The following NR6A1 variants were observed in gnomAD, a reference collection of about 807,000 sequenced individuals.
NR6A1 encodes the protein retinoic acid receptor-related testis-associated receptor.
Under a neutral mutation model 59.1 loss-of-function variants are expected in NR6A1, and 7 were observed. The ratio of observed to expected loss-of-function variants is 0.12; its 90% confidence interval spans 0.07 to 0.22. NR6A1 has a LOEUF of 0.22. NR6A1 is among the 10% of genes least tolerant of loss of function. NR6A1 has a pLI of 1.00. For missense variants in NR6A1, 468 were observed against 611.6 expected (o/e 0.77, Z 2.48); for synonymous variants, 243 against 236.1 (o/e 1.03, Z -0.27).
At chr9:124,539,075 GACA>G (rs976606131) in intron 5 of NR6A1, among the ~76,000 whole-genome samples, 20 of 151,504 alleles carry the variant, frequency 1.3e-4, no homozygotes, top group African/African-American at 2.7e-4. Flanking sequence ...AATTAACAAC[GACA>G]ACAACAAAAA....
intron 6 of NR6A1, among the ~76,000 whole-genome samples, chr9:124,537,702 G>A (rs770765930): frequency 3.9e-5 from 6 of 152,096 alleles, no homozygotes; most frequent in Non-Finnish European, 8.8e-5. Context: ...GCTGGTGAGG[G>A]GTGCAGACAG....
chr9:124,737,949 A>G (rs897593200), intron 1 of NR6A1, among the ~76,000 whole-genome samples: 4 of 152,120 alleles, frequency 2.6e-5, no homozygotes, highest in Non-Finnish European at 5.9e-5. Context: ...GTAAAACGCC[A>G]TCTCTACTAG....
intron 1 of NR6A1, among the ~76,000 whole-genome samples, chr9:124,767,342 AT>A (rs1166999881): frequency 1.5e-4 from 23 of 152,206 alleles, no homozygotes; most frequent in African/African-American, 5.5e-4. Flanking sequence ...TCATGTCATC[AT>A]ATTTTGGTTA....
In NR6A1 at chr9:124,526,272, T is replaced by TTGTGTGTG. The variant is rs1204703211; in HGVS notation, c.1201+506_1201+507insCACACACA. Among the ~76,000 whole-genome samples the TTGTGTGTG allele has an allele frequency of 2.2e-4, 33 of 150,176 alleles. No individual in the cohort carries two copies. In the South Asian group the frequency reaches 6.6e-3, roughly 30 times the overall value. ...TCTTTTAATTAAAAGCCATGCTTGATTGTGTGTATGTGTGTATGTGTGTGT... is the reference window on the plus strand; with the variant it reads ...TCTTTTAATTAAAAGCCATGCTTGATTGTGTGTGTGTGTGTATGTGTGTATGTGTGTGT... On this transcript the variant is annotated intron_variant, in intron 8 of 9. Coordinates refer to ENST00000487099, the MANE Select transcript of NR6A1 (RefSeq NM_033334.4).
intron 2 of NR6A1, chr9:124,599,585 G>C: frequency 1.8e-6 from 2 of 1,136,222 alleles, no homozygotes; most frequent in African/African-American, 1.7e-5. Flanking sequence ...CGCCATGAGG[G>C]CGCGGCGGCG....
chr9:124,687,916 ATATAT>A (rs1197275076), intron 2 of NR6A1, among the ~76,000 whole-genome samples: 1 of 152,228 alleles, frequency 6.6e-6, no homozygotes, highest in East Asian at 1.9e-4. Flanking sequence ...ACAACTCCAT[ATATAT>A]TATGTTTCTG....
intron 1 of NR6A1, among the ~76,000 whole-genome samples, chr9:124,766,502 A>C (rs1475197931): frequency 6.6e-6 from 1 of 152,218 alleles, no homozygotes; most frequent in African/African-American, 2.4e-5. Flanking sequence ...GATTTTTCTA[A>C]TTCTGACCTT....
chr9:124,548,444 C>T (rs1833668511), intron 3 of NR6A1, among the ~76,000 whole-genome samples: 1 of 152,154 alleles, frequency 6.6e-6, no homozygotes, highest in Non-Finnish European at 1.5e-5. Flanking sequence ...AGTTCAAGAG[C>T]TGCCTGGGCA....
intron 2 of NR6A1, among the ~76,000 whole-genome samples, chr9:124,642,015 T>C (rs1836780053): frequency 6.6e-6 from 1 of 152,106 alleles, no homozygotes; most frequent in Non-Finnish European, 1.5e-5. Context: ...GCTCTATCAC[T>C]ACCACTTAAC....
chr9:124,647,573 CA>C (rs1230901461), intron 2 of NR6A1, among the ~76,000 whole-genome samples: 1 of 151,344 alleles, frequency 6.6e-6, no homozygotes, highest in Non-Finnish European at 1.5e-5. Flanking sequence ...ACTAAAAATA[CA>C]AAAATTAGCT....
chr9:124,616,009 G>A (rs1564202763), intron 2 of NR6A1, among the ~76,000 whole-genome samples: 1 of 151,938 alleles, frequency 6.6e-6, no homozygotes, highest in Non-Finnish European at 1.5e-5. Context: ...ACAGGCGTGA[G>A]TCACCACGCC....
At chr9:124,550,712 T>C (rs12337105) in intron 3 of NR6A1, among the ~76,000 whole-genome samples, 1 of 152,044 alleles carries the variant, frequency 6.6e-6, no homozygotes, top group African/African-American at 2.4e-5. Context: ...TTTATATTTA[T>C]ATTTTTAGAG....
chr9:124,721,216 A>C (rs1839553739), intron 2 of NR6A1, among the ~76,000 whole-genome samples: 1 of 152,224 alleles, frequency 6.6e-6, no homozygotes, highest in South Asian at 2.1e-4. Context: ...CTTTGAATGC[A>C]ACTATCTTTT....
intron 2 of NR6A1, among the ~76,000 whole-genome samples, chr9:124,706,614 C>T (rs926140336): frequency 6.6e-6 from 1 of 151,872 alleles, no homozygotes; most frequent in South Asian, 2.1e-4. Context: ...CTGGTTCAAG[C>T]GATTCTCCTG....
At chr9:124,721,111 T>C (rs1337309283) in intron 2 of NR6A1, among the ~76,000 whole-genome samples, 1 of 152,224 alleles carries the variant, frequency 6.6e-6, no homozygotes, top group East Asian at 1.9e-4. Flanking sequence ...TCTTAGTCAT[T>C]CATTAAAATC....
intron 1 of NR6A1, among the ~76,000 whole-genome samples, chr9:124,755,315 C>G (rs1011201290): frequency 6.6e-6 from 1 of 152,116 alleles, no homozygotes; most frequent in Non-Finnish European, 1.5e-5. Context: ...ACTGGCAATC[C>G]CTGCTGTGTA....
chr9:124,693,387 A>C (rs1311570307), intron 2 of NR6A1, among the ~76,000 whole-genome samples: 1 of 152,162 alleles, frequency 6.6e-6, no homozygotes, highest in East Asian at 1.9e-4. Flanking sequence ...AAGCACTCAT[A>C]CTTCTCAGTT....
intron 2 of NR6A1, among the ~76,000 whole-genome samples, chr9:124,637,306 G>A (rs141436144): frequency 9.8e-4 from 150 of 152,318 alleles, no homozygotes; most frequent in Middle Eastern, 3.4e-3. Flanking sequence ...GTCAGGAGGA[G>A]ACAGGAATGT....
At position 124,671,182 on chromosome 9, in the gene NR6A1, T is replaced by C. The variant is rs78925254; in HGVS notation, c.142+62126A>G. Reference sequence around the variant, plus strand: ...AAGGTGAAAAAGATCTGGAGATCTGTTGCACAACAAAGTGAATATATACTA... The same window carrying C: ...AAGGTGAAAAAGATCTGGAGATCTGCTGCACAACAAAGTGAATATATACTA... On this transcript the variant is annotated intron_variant, in intron 2 of 9. Coordinates refer to ENST00000487099, the MANE Select transcript of NR6A1 (RefSeq NM_033334.4). Among the ~76,000 whole-genome samples, 2 of 152,316 alleles carry C rather than the reference T, an allele frequency of 1.3e-5. 1 individual carries two copies. The highest frequency in any genetic ancestry group is 3.9e-4 in the East Asian group (2 of 5,190).
Sources: gnomAD v4.1 joint callset for allele counts (sites outside exome capture counted in the v4.1 genomes callset) on GRCh38, gnomAD v4.1.1 for gene constraint, MANE v1.5 for transcripts, NCBI Gene and HGNC (gene_info 2026-07-23, HGNC 2026-07-21) for gene names.